Variants in PLCH2 observed in about 807,000 individuals in gnomAD.
PLCH2 encodes 1-phosphatidylinositol 4,5-bisphosphate phosphodiesterase eta-2.
A neutral mutation model predicts 134.7 loss-of-function variants in PLCH2; 98 were observed. That is an observed-to-expected ratio of 0.73 (90% confidence interval 0.62 to 0.86). The LOEUF is 0.86. Among genes scored for constraint, PLCH2 ranks in the 40% least tolerant of loss-of-function variants. The probability of loss-of-function intolerance (pLI) is 0.00; values close to 1 mark genes in which losing one functional copy is unlikely to be tolerated. For synonymous variants in PLCH2, 974 were observed against 827.5 expected (o/e 1.18, Z -3.04); for missense variants, 1,994 against 1,986.6 (o/e 1.00, Z -0.07).
At chr1:2,482,382 G>A (rs1326674434) in intron 4 of PLCH2, among the ~76,000 whole-genome samples, 1 of 152,210 alleles carries the variant, frequency 6.6e-6, no homozygotes, top group African/African-American at 2.4e-5. Flanking sequence ...CCTTTGAGCT[G>A]CAGTGTGTCC....
upstream of PLCH2, among the ~76,000 whole-genome samples, chr1:2,472,793 G>T (rs1264490937): frequency 6.6e-6 from 1 of 152,166 alleles, no homozygotes; most frequent in East Asian, 1.9e-4. Flanking sequence ...AAGAGGTGGG[G>T]CCCCTGCCCG....
At chr1:2,427,380 C>T (rs934197825) in intron 1 of PLCH2, among the ~76,000 whole-genome samples, 14 of 152,246 alleles carry the variant, frequency 9.2e-5, no homozygotes, top group African/African-American at 1.7e-4. Context: ...CCAGCTCAGC[C>T]GCCCCTGCTG....
At position 2,498,050 on chromosome 1, in the gene PLCH2, G is replaced by A. The variant is rs1024761185; in HGVS notation, c.2224+441G>A. 4 of 228,738 alleles carry A rather than the reference G, an allele frequency of 1.7e-5. No homozygotes were observed. The highest frequency in any genetic ancestry group is 9.0e-5 in the African/African-American group (4 of 44,444). The allele number at this position is 228,738 out of a possible 1,614,324, so 14.2% of individuals were successfully genotyped here. A position where few individuals can be genotyped will look rare whatever the true frequency, so the allele number is the denominator to read the frequency against. On this transcript the variant is annotated intron_variant, in intron 16 of 21. Transcript: ENST00000378486. This position sits in a 1 kb window ranked among gnomAD's most constrained non-coding sequence, Gnocchi z 5.4. ...GGATGACTTCCAGCTTGGTCCCCCT[G>A]TGGCCCTGGCAGGAGTATCACCATG...
At chr1:2,420,188 A>G in the PLCH2 span, among the ~76,000 whole-genome samples, 1 of 151,748 alleles carries the variant, frequency 6.6e-6, no homozygotes, top group Non-Finnish European at 1.5e-5. Context: ...CATCCCTCTC[A>G]GCTGACCCCA....
the PLCH2 span, among the ~76,000 whole-genome samples, chr1:2,417,442 C>T: frequency 3.7e-4 from 54 of 144,054 alleles, no homozygotes; most frequent in African/African-American, 1.2e-3. Flanking sequence ...TCTGTGAGGC[C>T]GGAGGGAGGG....
chr1:2,503,227 G>C, intron 21 of PLCH2: 1 of 566,570 alleles, frequency 1.8e-6, no homozygotes, highest in Non-Finnish European at 3.2e-6. Flanking sequence ...CCCTCCGGCT[G>C]GGCGCTTCCC....
intron 2 of PLCH2, among the ~76,000 whole-genome samples, chr1:2,446,902 T>C (rs1639970718): frequency 6.6e-6 from 1 of 152,216 alleles, no homozygotes; most frequent in Non-Finnish European, 1.5e-5. Flanking sequence ...CCCGTGTGTG[T>C]GTGCACACCT....
chr1:2,458,489 G>A (rs1217554353), intron 2 of PLCH2, among the ~76,000 whole-genome samples: 2 of 152,168 alleles, frequency 1.3e-5, no homozygotes, highest in Non-Finnish European at 2.9e-5. Flanking sequence ...AGTGGCCGGG[G>A]AACGGGTGCC....
chr1:2,451,828 G>T (rs979534514), intron 2 of PLCH2, among the ~76,000 whole-genome samples: 5 of 152,130 alleles, frequency 3.3e-5, no homozygotes, highest in Admixed American at 6.5e-5. Flanking sequence ...GGGCTGCCGG[G>T]GGGGCGGTGG....
intron 16 of PLCH2, 55 bp downstream of exon 16, chr1:2,497,664 G>A: frequency 1.6e-6 from 2 of 1,216,842 alleles, no homozygotes; most frequent in South Asian, 2.7e-5. Flanking sequence ...TGGGCCTCCT[G>A]GGTGTCCCCA....
Position 2,504,044 on chromosome 1 carries a change from C to A in PLCH2, c.3082C>A (p.Gln1028Lys). 1 of 1,546,098 alleles carries A rather than the reference C, an allele frequency of 6.5e-7. No individual in the cohort carries two copies. Among genetic ancestry groups the A allele is most frequent in the Non-Finnish European group, 8.7e-7 (1 of 1,143,976 alleles). The change falls in exon 22 of 22, where the codon CAG becomes AAG. Residue 1028 changes from glutamine (Q) to lysine (K), a missense_variant. Physicochemically the swap from Gln to Lys is moderately conservative, Grantham distance 53. Coordinates refer to ENST00000378486, the MANE Select transcript of PLCH2 (RefSeq NM_014638.4). ...AGCGGCTGTCCCCACCAGCTCTTCT[C>A]AGGGACGGCCCCCATACCCCACAGG... ...PPAAVPTSSS[Q>K]GRPPYPTGPG...
chr1:2,490,280 G>A (rs1469554043), intron 10 of PLCH2, among the ~76,000 whole-genome samples: 1 of 152,152 alleles, frequency 6.6e-6, no homozygotes, highest in Non-Finnish European at 1.5e-5. Flanking sequence ...CTGGCTGGAC[G>A]CTGGGTGGCT....
At chr1:2,417,627 C>T in the PLCH2 span, among the ~76,000 whole-genome samples, 1 of 152,196 alleles carries the variant, frequency 6.6e-6, no homozygotes, top group African/African-American at 2.4e-5. Context: ...GTCCTGCGAG[C>T]ACTGCATAGC....
intron 1 of PLCH2, among the ~76,000 whole-genome samples, chr1:2,429,273 TG>T (rs569536932): frequency 4.5e-4 from 68 of 152,260 alleles, no homozygotes; most frequent in African/African-American, 1.6e-3. Context: ...AGCATGGCTC[TG>T]TGTGTTTGAG....
Position 2,444,730 on chromosome 1 carries a change from T to TC in PLCH2, c.115+14105dup, listed in dbSNP as rs887974184. 4.5e-4 allele frequency among the ~76,000 whole-genome samples: 69 copies of TC among 152,030 alleles called. No individual in the cohort carries two copies. Among genetic ancestry groups the TC allele is most frequent in the Non-Finnish European group, 8.7e-4 (59 of 67,960 alleles). The stretch of plus-strand genomic sequence containing the variant: ...TGGAGGCAGCCAAGGTGGCCACTGA[T>TC]CCCCACTGTGACCACTGAGACCACT... On this transcript the variant is annotated intron_variant, in intron 2 of 3. Coordinates refer to the PLCH2 transcript ENST00000609981. The surrounding 1 kb of genome is among the most constrained non-coding windows in gnomAD (Gnocchi z 4.6).
At chr1:2,449,991 C>T (rs1052796447) in intron 2 of PLCH2, among the ~76,000 whole-genome samples, 1 of 152,228 alleles carries the variant, frequency 6.6e-6, no homozygotes, top group East Asian at 1.9e-4. Flanking sequence ...CCAAGCTCAG[C>T]CCTGGGGAAG....
At chr1:2,437,582 T>C (rs61763907) in intron 2 of PLCH2, among the ~76,000 whole-genome samples, 7,954 of 152,174 alleles carry the variant, frequency 0.052, 231 homozygotes, top group East Asian at 0.096. Context: ...CCCTGCAGCC[T>C]CCACCCCTTC....
intron 21 of PLCH2, 45 bp downstream of exon 21, chr1:2,502,454 CG>C: frequency 1.3e-6 from 2 of 1,521,840 alleles, no homozygotes; most frequent in Non-Finnish European, 1.8e-6. Flanking sequence ...TGTGCGAGTG[CG>C]GCCCCCGCGT....
At position 2,426,122 on chromosome 1, in the gene PLCH2, G is replaced by T. The variant is rs542744456; in HGVS notation, c.-178+85G>T. On this transcript the variant is annotated intron_variant, in intron 1 of 3. Coordinates refer to the PLCH2 transcript ENST00000609981. ...CTGCTTTAATTCTGAGCACGCACTG[G>T]TGAAGGACACTGTATCTGAGCCGAG... 2.0e-5 allele frequency: 3 copies of T among 152,394 alleles called. No individual in the cohort carries two copies. In the South Asian group the frequency reaches 6.2e-4, roughly 32 times the overall value. 9.4% of individuals were successfully genotyped at this position (152,394 alleles called of 1,614,324 possible). A position where few individuals can be genotyped will look rare whatever the true frequency, so the allele number is the denominator to read the frequency against.
Sources: allele counts gnomAD v4.1 joint callset (sites outside exome capture counted in the v4.1 genomes callset), GRCh38; gene constraint gnomAD v4.1.1; non-coding constraint Gnocchi (gnomAD v3.1); transcripts MANE v1.5; gene names NCBI Gene and HGNC (gene_info 2026-07-23, HGNC 2026-07-21).